KATNAL1: variants seen among roughly 807,000 people sequenced by gnomAD.
The protein encoded by KATNAL1 is katanin catalytic subunit A1 like 1.
A neutral mutation model predicts 55.2 loss-of-function variants in KATNAL1; 32 were observed. That is an observed-to-expected ratio of 0.58 (90% CI 0.44 to 0.78). KATNAL1 has a LOEUF of 0.78. Ranked by LOEUF, KATNAL1 falls within the 30% of genes least tolerant of loss-of-function variation. KATNAL1 has a pLI of 0.00. For missense variants in KATNAL1, 466 were observed against 600.9 expected (o/e 0.78, Z 2.35); for synonymous variants, 193 against 193.6 (o/e 1.00, Z 0.02).
intron 2 of KATNAL1, among the ~76,000 whole-genome samples, chr13:30,281,134 AAAAGAAAAG>A (rs917722960): frequency 2.2e-5 from 3 of 137,440 alleles, no homozygotes; most frequent in South Asian, 2.2e-4. Flanking sequence ...AAAAAAAAAA[AAAAGAAAAG>A]AAAAGAAAAT....
At chr13:30,244,827 C>T (rs1170307181) in intron 4 of KATNAL1, among the ~76,000 whole-genome samples, 2 of 152,048 alleles carry the variant, frequency 1.3e-5, no homozygotes, top group African/African-American at 4.8e-5. Flanking sequence ...TGGACACATA[C>T]ACCCTCCCAA....
intron 10 of KATNAL1, among the ~76,000 whole-genome samples, 170 bp from the exon 11 acceptor site, chr13:30,208,908 C>T (rs568803089): frequency 6.6e-6 from 1 of 152,250 alleles, no homozygotes; most frequent in African/African-American, 2.4e-5. Context: ...GAAGTTAAGA[C>T]AGGATGCAAA....
intron 3 of KATNAL1, among the ~76,000 whole-genome samples, chr13:30,274,907 G>GCGCGCGCGCGCGCGCGCGCGCGCACACA (rs869107567): frequency 1.9e-5 from 2 of 105,388 alleles, no homozygotes; most frequent in Non-Finnish European, 3.9e-5. Context: ...GCGCGCGCGC[G>GCGCGCGCGCGCGCGCGCGCGCGCACACA]CACACACACA....
chr13:30,231,267 A>G (rs537268500), intron 7 of KATNAL1, 47 bp downstream of exon 7: 1 of 1,467,930 alleles, frequency 6.8e-7, no homozygotes, highest in South Asian at 1.5e-5. Flanking sequence ...TGGGGGCATC[A>G]TAGGCCTACA....
chr13:30,274,850 T>C (rs1318571335), intron 3 of KATNAL1, among the ~76,000 whole-genome samples: 1 of 150,956 alleles, frequency 6.6e-6, no homozygotes, highest in African/African-American at 2.4e-5. Context: ...ATAAAGAAAA[T>C]GTGTGCATAT....
At chr13:30,268,703 A>C (rs1879974073) in intron 3 of KATNAL1, among the ~76,000 whole-genome samples, 1 of 152,228 alleles carries the variant, frequency 6.6e-6, no homozygotes, top group East Asian at 1.9e-4. Context: ...AAGAACTGTT[A>C]GTTTACCACT....
At chr13:30,221,633 A>G (rs1267315565) in intron 9 of KATNAL1, among the ~76,000 whole-genome samples, 3 of 152,268 alleles carry the variant, frequency 2.0e-5, no homozygotes, top group African/African-American at 7.2e-5. Context: ...ACTATTTATT[A>G]TCCTCAAAGT....
chr13:30,220,990 C>T (rs1285278931), intron 9 of KATNAL1, among the ~76,000 whole-genome samples: 2 of 152,140 alleles, frequency 1.3e-5, no homozygotes, highest in African/African-American at 4.8e-5. Flanking sequence ...TGAGCAACAA[C>T]ACCCAGCGAA....
intron 3 of KATNAL1, among the ~76,000 whole-genome samples, chr13:30,269,945 G>A (rs1474168914): frequency 2.7e-5 from 4 of 148,866 alleles, no homozygotes; most frequent in Non-Finnish European, 4.5e-5. Context: ...GGGAGGTGAG[G>A]GGCACCTCTG....
intron 9 of KATNAL1, among the ~76,000 whole-genome samples, chr13:30,216,896 C>T (rs149861280): frequency 3.9e-5 from 6 of 152,284 alleles, no homozygotes; most frequent in Non-Finnish European, 7.4e-5. Context: ...GTAAATCAAA[C>T]GTTTCACTGT....
intron 6 of KATNAL1, among the ~76,000 whole-genome samples, chr13:30,234,288 C>T (rs1315652315): frequency 2.6e-5 from 4 of 152,160 alleles, no homozygotes; most frequent in African/African-American, 4.8e-5. Flanking sequence ...CTATTCACCT[C>T]TCCTTCCTCT....
At chr13:30,229,536 A>G (rs1324515999) in intron 8 of KATNAL1, among the ~76,000 whole-genome samples, 1 of 152,106 alleles carries the variant, frequency 6.6e-6, no homozygotes, top group Non-Finnish European at 1.5e-5. Flanking sequence ...CCTGGGAAAC[A>G]TGGAGAGACC....
At chr13:30,210,065 A>C (rs1873525620) in intron 10 of KATNAL1, among the ~76,000 whole-genome samples, 1 of 152,226 alleles carries the variant, frequency 6.6e-6, no homozygotes, top group African/African-American at 2.4e-5. Flanking sequence ...TAGAGGCGTA[A>C]GCCACCGACA....
chr13:30,210,164 TA>T (rs56110946), intron 10 of KATNAL1, 151 bp downstream of exon 10: 95,484 of 468,826 alleles, frequency 0.2, 9,923 homozygotes, highest in Admixed American at 0.3. Flanking sequence ...AAGTTATATG[TA>T]AAAAAAAAGG....
intron 9 of KATNAL1, among the ~76,000 whole-genome samples, chr13:30,211,298 C>G (rs1263073816): frequency 1.3e-5 from 2 of 152,214 alleles, no homozygotes; most frequent in Non-Finnish European, 2.9e-5. Context: ...CATTATCACT[C>G]TAGCTGGCTC....
At chr13:30,209,539 A>C (rs189481808) in intron 10 of KATNAL1, among the ~76,000 whole-genome samples, 2 of 152,380 alleles carry the variant, frequency 1.3e-5, no homozygotes, top group Admixed American at 1.3e-4. Context: ...TTAGAAAAAT[A>C]AGAAAAAAAA....
At chr13:30,305,458 G>C (rs1883120030) in intron 1 of KATNAL1, among the ~76,000 whole-genome samples, 1 of 152,172 alleles carries the variant, frequency 6.6e-6, no homozygotes, top group African/African-American at 2.4e-5. Context: ...GACTTCCTTA[G>C]ACAGAGTCAG....
intron 4 of KATNAL1, among the ~76,000 whole-genome samples, chr13:30,250,731 T>C (rs1878217754): frequency 6.6e-6 from 1 of 152,246 alleles, no homozygotes; most frequent in African/African-American, 2.4e-5. Flanking sequence ...ATTCAGAGAA[T>C]ATAATTTGCC....
chr13:30,277,382 G>C (rs1464054226), intron 3 of KATNAL1, among the ~76,000 whole-genome samples: 1 of 152,110 alleles, frequency 6.6e-6, no homozygotes, highest in African/African-American at 2.4e-5. Context: ...GTTTAGAGAG[G>C]TTAAATAGCT....
Sources: allele counts gnomAD v4.1 joint callset (sites outside exome capture counted in the v4.1 genomes callset), GRCh38; gene constraint gnomAD v4.1.1; transcripts MANE v1.5; gene names NCBI Gene and HGNC (gene_info 2026-07-23, HGNC 2026-07-21).